The following XRN1 variants were observed in gnomAD, a reference collection of about 807,000 sequenced individuals.
The protein encoded by XRN1 is 5'-3' exoribonuclease 1, also known as strand-exchange protein 1 homolog.
Under a neutral mutation model 222.3 loss-of-function variants are expected in XRN1, and 67 were observed. The observed-to-expected ratio is 0.30, with a 90% CI of 0.25 to 0.37. XRN1 has a LOEUF of 0.37. Among genes scored for constraint, XRN1 ranks in the 10% least tolerant of loss-of-function variants. The pLI is 1.00. For missense variants in XRN1, 1,707 were observed against 2,000.2 expected (o/e 0.85, Z 2.80); for synonymous variants, 643 against 652.4 (o/e 0.99, Z 0.22).
intron 10 of XRN1, among the ~76,000 whole-genome samples, chr3:142,419,562 GA>G (rs1436345929): frequency 2.6e-5 from 4 of 152,070 alleles, no homozygotes; most frequent in Non-Finnish European, 5.9e-5. Context: ...GTAATCCCAG[GA>G]CTTAAGGGAG....
At chr3:142,413,965 T>C (rs2068689080) in intron 14 of XRN1, among the ~76,000 whole-genome samples, 170 bp downstream of exon 14, 1 of 152,232 alleles carries the variant, frequency 6.6e-6, no homozygotes, top group South Asian at 2.1e-4. Context: ...CAAAGCTAAC[T>C]TGAAATCAAA....
At chr3:142,417,851 G>A (rs1413067471) in intron 12 of XRN1, 1 of 152,146 alleles carries the variant, frequency 6.6e-6, no homozygotes, top group South Asian at 2.1e-4. Flanking sequence ...TTTCTGGGAG[G>A]TAGTTTTTTA....
rs1274401271 is a variant in XRN1, at chr3:142,332,424, T to C, written c.4173A>G (p.Arg1391=). 1 of 1,613,024 alleles carries C rather than the reference T, an allele frequency of 6.2e-7. No homozygotes were observed. The highest frequency in any genetic ancestry group is 8.5e-7 in the Non-Finnish European group (1 of 1,179,242). ...GAGAGGGTAATCCATATTCATCTCT[T>C]CTGTTAGAGGAAACAGGGATTTCAT... is the stretch of plus-strand genomic sequence containing the variant. The part of the protein sequence containing the change: ...IANEIPVSSN[R]RDEYGLPSQP... The change falls in exon 36 of 41, where the codon AGA becomes AGG. Residue 1391 remains arginine, a synonymous_variant. Transcript: ENST00000392981.
intron 20 of XRN1, among the ~76,000 whole-genome samples, chr3:142,396,584 T>C (rs1414809719): frequency 6.6e-6 from 1 of 152,214 alleles, no homozygotes; most frequent in Admixed American, 6.5e-5. Flanking sequence ...TGGTTTTTCA[T>C]GGTCTTTGAA....
In XRN1 at chr3:142,343,326, C is replaced by T. The variant is rs188830441; in HGVS notation, c.3877+3908G>A. The stretch of plus-strand genomic sequence containing the variant: ...AAAACTAGCCAGGCGTGGTGGCACA[C>T]GCCTGTAATCCCAGCTACTCAGGAG... On this transcript the variant is annotated intron_variant, in intron 33 of 40. Coordinates refer to ENST00000392981, the MANE Select transcript of XRN1 (RefSeq NM_001282857.2). Among the ~76,000 whole-genome samples, 27 of 152,028 alleles carry T rather than the reference C, an allele frequency of 1.8e-4. No individual in the cohort carries two copies. In the East Asian group the frequency reaches 3.3e-3, roughly 19 times the overall value.
chr3:142,318,651 G>T lies in XRN1; in HGVS notation c.4562C>A (p.Ala1521Glu). The T allele has an allele frequency of 6.2e-7, 1 of 1,610,050 alleles. No individual in the cohort carries two copies. Among genetic ancestry groups the T allele is most frequent in the Non-Finnish European group, 8.5e-7 (1 of 1,178,480 alleles). ...MNFPLPSQVFANYPSAVPPGT... is the reference protein window; with the variant it reads ...MNFPLPSQVFENYPSAVPPGT... ...AGGTGGTACAGCTGAAGGATAATTTGCAAATACTTGTGAAGGCAAAGGGAA... is the reference window on the plus strand; with the variant it reads ...AGGTGGTACAGCTGAAGGATAATTTTCAAATACTTGTGAAGGCAAAGGGAA... The change falls in exon 39 of 41, where the codon GCA (alanine) becomes GAA (glutamate). Residue 1521 changes from alanine (A) to glutamate (E), a missense_variant. Ala to Glu is a moderately radical substitution (Grantham distance 107). This residue lies in a region of XRN1 where 473 missense variants were observed against 482.0 expected (regional missense o/e 0.98). Coordinates refer to ENST00000392981, the MANE Select transcript of XRN1 (RefSeq NM_001282857.2).
At chr3:142,426,605 A>G (rs2108129274) in intron 3 of XRN1, 139 bp downstream of exon 3, 1 of 741,928 alleles carries the variant, frequency 1.3e-6, no homozygotes, top group Non-Finnish European at 2.1e-6. Flanking sequence ...TCGTCTCATG[A>G]GCAAACATAA....
At chr3:142,373,630 G>GT (rs1008355730) in intron 25 of XRN1, among the ~76,000 whole-genome samples, 4 of 152,150 alleles carry the variant, frequency 2.6e-5, no homozygotes, top group African/African-American at 9.7e-5. Flanking sequence ...TTCAGAATCA[G>GT]AATGGCACAG....
chr3:142,380,598 C>T (rs1054637130), intron 22 of XRN1, among the ~76,000 whole-genome samples: 7 of 152,080 alleles, frequency 4.6e-5, no homozygotes, highest in African/African-American at 1.7e-4. Context: ...AAGTAATCTT[C>T]CTGCCTTGGT....
At chr3:142,418,408 CT>C in intron 12 of XRN1, 95 bp downstream of exon 12, 1 of 963,978 alleles carries the variant, frequency 1.0e-6, no homozygotes, top group Non-Finnish European at 1.5e-6. Context: ...CCAAAAAATC[CT>C]TTTTCTCCCA....
chr3:142,391,752 ATATATAT>A (rs2067731630), intron 20 of XRN1, among the ~76,000 whole-genome samples: 1 of 49,936 alleles, frequency 2.0e-5, no homozygotes, highest in African/African-American at 4.9e-5. Context: ...AAAAAAAAAT[ATATATAT>A]ATATATATAT....
intron 14 of XRN1, among the ~76,000 whole-genome samples, chr3:142,413,089 G>C (rs1162661117): frequency 6.6e-6 from 1 of 151,934 alleles, no homozygotes; most frequent in African/African-American, 2.4e-5. Context: ...ATTCTATTAA[G>C]TAATGTAACA....
intron 13 of XRN1, among the ~76,000 whole-genome samples, chr3:142,416,895 G>C (rs889724304): frequency 6.6e-6 from 1 of 151,782 alleles, no homozygotes; most frequent in Non-Finnish European, 1.5e-5. Context: ...AGCTGGCCGT[G>C]GTGGCGCATG....
At chr3:142,413,317 C>T (rs368663696) in intron 14 of XRN1, among the ~76,000 whole-genome samples, 6 of 152,052 alleles carry the variant, frequency 3.9e-5, no homozygotes, top group African/African-American at 9.7e-5. Flanking sequence ...GACCGTAAAA[C>T]GCATGGTCAT....
At chr3:142,363,626 GTTTACTCTAGCTTTGTA>G in intron 29 of XRN1, among the ~76,000 whole-genome samples, 1 of 149,260 alleles carries the variant, frequency 6.7e-6, no homozygotes, top group Non-Finnish European at 1.5e-5. Flanking sequence ...GCTTTGTAAA[GTTTACTCTAGCTTTGTA>G]AAGTTTACTC....
At chr3:142,319,103 G>A (rs2065282698) in intron 37 of XRN1, among the ~76,000 whole-genome samples, 200 bp from the exon 38 acceptor site, 3 of 152,290 alleles carry the variant, frequency 2.0e-5, no homozygotes, top group South Asian at 2.1e-4. Flanking sequence ...AGCTTTCTAA[G>A]CTGGCTGAAG....
chr3:142,374,410 T>A (rs1245186502), intron 25 of XRN1, among the ~76,000 whole-genome samples: 1 of 152,186 alleles, frequency 6.6e-6, no homozygotes, highest in Non-Finnish European at 1.5e-5. Context: ...ACAGAATTTG[T>A]TATGTGAACA....
At chr3:142,370,380 CTAAG>C in intron 27 of XRN1, 101 bp downstream of exon 27, 1 of 1,330,156 alleles carries the variant, frequency 7.5e-7, no homozygotes, top group Non-Finnish European at 1.0e-6. Flanking sequence ...ATTAGAATCA[CTAAG>C]TATATGTTTT....
intron 32 of XRN1, among the ~76,000 whole-genome samples, chr3:142,351,693 G>A (rs1449390853): frequency 6.6e-6 from 1 of 151,400 alleles, no homozygotes; most frequent in Non-Finnish European, 1.5e-5. Context: ...TTCATTTTTT[G>A]CCTTACTGCT....
Sources: allele counts gnomAD v4.1 joint callset (sites outside exome capture counted in the v4.1 genomes callset), GRCh38; gene constraint gnomAD v4.1.1; regional missense constraint gnomAD v4.1.1; transcripts MANE v1.5; gene names NCBI Gene and HGNC (gene_info 2026-07-23, HGNC 2026-07-21).